The following FREM1 variants were observed in gnomAD, a reference collection of about 807,000 sequenced individuals.
FREM1 encodes the protein FRAS1-related extracellular matrix protein 1.
A neutral mutation model predicts 210.1 loss-of-function variants in FREM1; 220 were observed. The ratio of observed to expected loss-of-function variants is 1.05; its 90% CI spans 0.94 to 1.17. The LOEUF (loss-of-function observed/expected upper bound fraction) is 1.17. FREM1 is among the 50% of genes most tolerant of loss of function. The pLI is 0.00. For synonymous variants in FREM1, 1,189 were observed against 980.2 expected (o/e 1.21, Z -3.98); for missense variants, 3,454 against 2,675.5 (o/e 1.29, Z -6.42).
Position 14,864,765 on chromosome 9 carries a change from C to G in FREM1, c.235-862G>C, listed in dbSNP as rs567582935. 5.3e-5 allele frequency among the ~76,000 whole-genome samples: 8 copies of G among 152,322 alleles called. No individual in the cohort carries two copies. In the East Asian group the frequency reaches 5.8e-4, roughly 11 times the overall value. ...CACCATTGTGTTCGTGGTGTTTCGT[C>G]TGTACCTTTTCACAGCCTCAAACAT... is the stretch of plus-strand genomic sequence containing the variant. On this transcript the variant is annotated intron_variant, in intron 2 of 36. Coordinates refer to ENST00000380880, the MANE Select transcript of FREM1 (RefSeq NM_001379081.2).
intron 33 of FREM1, 28 bp downstream of exon 33, chr9:14,747,236 G>A (rs1341933486): frequency 4.4e-6 from 7 of 1,604,042 alleles, no homozygotes; most frequent in Non-Finnish European, 6.0e-6. Flanking sequence ...GTTATAAGGT[G>A]AGTAAGAAGG....
At chr9:14,851,225 G>T (rs1827680930) in intron 6 of FREM1, 59 bp downstream of exon 6, 2 of 1,249,974 alleles carry the variant, frequency 1.6e-6, no homozygotes, top group Non-Finnish European at 1.1e-6. Context: ...TAGGGTAGGG[G>T]GTTCTTAAAT....
chr9:14,789,665 T>G (rs965698663), intron 22 of FREM1, among the ~76,000 whole-genome samples: 1 of 152,228 alleles, frequency 6.6e-6, no homozygotes, highest in Non-Finnish European at 1.5e-5. Context: ...TATCACTACC[T>G]ACATTTATAT....
chr9:14,770,897 T>C, intron 25 of FREM1, 91 bp from the exon 26 acceptor site: 1 of 878,622 alleles, frequency 1.1e-6, no homozygotes, highest in Non-Finnish European at 1.8e-6. Context: ...TGACACACTG[T>C]CCCACGTTTT....
Position 14,836,193 on chromosome 9 carries a change from C to T in FREM1, c.1881+5254G>A, listed in dbSNP as rs1018282374. On this transcript the variant is annotated intron_variant, in intron 10 of 36. Transcript: ENST00000380880. This position sits in a 1 kb window ranked among gnomAD's most constrained non-coding sequence, Gnocchi z 4.9. ...GATGGAAATTATCTACCACACCACACTTGTGGGAATTGCTGTCCTCACTCT... is the reference window on the plus strand; with the variant it reads ...GATGGAAATTATCTACCACACCACATTTGTGGGAATTGCTGTCCTCACTCT... Among the ~76,000 whole-genome samples, 1 of 152,236 alleles carries T rather than the reference C, an allele frequency of 6.6e-6. No individual in the cohort carries two copies. Among genetic ancestry groups the T allele is most frequent in the African/African-American group, 2.4e-5 (1 of 41,454 alleles).
intron 29 of FREM1, among the ~76,000 whole-genome samples, chr9:14,754,617 C>T (rs1843959760): frequency 6.6e-6 from 1 of 152,076 alleles, no homozygotes; most frequent in Non-Finnish European, 1.5e-5. Context: ...GGCTCCTCAT[C>T]CATTATGACT....
chr9:14,757,552 C>G (rs928961265), intron 28 of FREM1, among the ~76,000 whole-genome samples: 9 of 151,756 alleles, frequency 5.9e-5, no homozygotes, highest in Non-Finnish European at 1.0e-4. Context: ...GAGATTCCAT[C>G]TCAAAAAACA....
At chr9:14,756,641 A>C (rs527396878) in intron 28 of FREM1, among the ~76,000 whole-genome samples, 195 bp from the exon 29 acceptor site, 2 of 152,314 alleles carry the variant, frequency 1.3e-5, no homozygotes, top group East Asian at 3.9e-4. Flanking sequence ...ACTTTTTCCT[A>C]GGCTAATATC....
intron 36 of FREM1, among the ~76,000 whole-genome samples, chr9:14,739,449 AAT>A (rs56320339): frequency 0.09 from 11,827 of 132,130 alleles, 698 homozygotes; most frequent in African/African-American, 0.17. Flanking sequence ...AATTATTTGG[AAT>A]ATATATATAT....
rs1211854810 is a variant in FREM1 at position 14,813,000 on chromosome 9, G to A, written c.2705C>T (p.Ser902Leu). Residue 902 changes from serine (S) to leucine (L), a missense_variant, in exon 16 of 37, where the codon TCA becomes TTA. By Grantham distance (145) the Ser-to-Leu change is moderately radical. Coordinates refer to ENST00000380880, the MANE Select transcript of FREM1 (RefSeq NM_001379081.2). The stretch of plus-strand genomic sequence containing the variant: ...GGTGATGACCACCTCTCCTCCCTCT[G>A]AGCAATTCATGACAGGCATGAGGTC... ...KADLMPVMNC[S>L]EGGEVVITSE... The A allele has an allele frequency of 1.1e-5, 17 of 1,613,760 alleles. No individual in the cohort carries two copies. The highest frequency in any genetic ancestry group is 1.4e-5 in the Non-Finnish European group (17 of 1,179,834).
chr9:14,792,863 A>T lies in FREM1; in HGVS notation c.3861T>A (p.Asn1287Lys), dbSNP rs1314978311. The T allele has an allele frequency of 3.8e-6, 6 of 1,583,676 alleles. No individual in the cohort carries two copies. Among genetic ancestry groups the T allele is most frequent in the Non-Finnish European group, 4.3e-6 (5 of 1,164,544 alleles). ...MLSKKAEIAM[N>K]MGETRIISSA... The stretch of plus-strand genomic sequence containing the variant: ...TGGAAATAATACGAGTTTCACCCAT[A>T]TTCATTGCAATTTCAGCCTTCCTGT... Residue 1287 changes from asparagine to lysine, a missense_variant, in exon 22 of 37, where the codon AAT (asparagine) becomes AAA (lysine). Physicochemically the swap from Asn to Lys is moderately conservative, Grantham distance 94 (BLOSUM62 0). Coordinates refer to ENST00000380880, the MANE Select transcript of FREM1 (RefSeq NM_001379081.2).
chr9:14,831,866 C>G (rs10810259), intron 10 of FREM1, among the ~76,000 whole-genome samples: 65,998 of 152,022 alleles, frequency 0.43, 14,720 homozygotes, highest in Middle Eastern at 0.5. Context: ...GAGGGTCACG[C>G]CTGCAAGTCA....
At chr9:14,771,091 A>G (rs564786467) in intron 25 of FREM1, among the ~76,000 whole-genome samples, 1 of 152,136 alleles carries the variant, frequency 6.6e-6, no homozygotes, top group Admixed American at 6.6e-5. Flanking sequence ...GGCAGGCGTC[A>G]GGTCTTTCAC....
At chr9:14,825,859 G>A (rs762713767) in intron 10 of FREM1, among the ~76,000 whole-genome samples, 1 of 151,766 alleles carries the variant, frequency 6.6e-6, no homozygotes, top group Admixed American at 6.6e-5. Flanking sequence ...ATTGCTACTG[G>A]CCTACCTTTC....
rs371252550 is a variant in FREM1 at position 14,812,606 on chromosome 9, C to T, written c.2893+206G>A. On this transcript the variant is annotated intron_variant, in intron 16 of 36. Transcript: ENST00000380880. ...AAAGCAAGTAATATCTGCCTTTCTC[C>T]GCTGTTTGAAATTCGTTATAATAAC... Among the ~76,000 whole-genome samples, 50 of 152,222 alleles carry T rather than the reference C, an allele frequency of 3.3e-4. No homozygotes were observed. In the South Asian group the frequency reaches 8.5e-3, roughly 26 times the overall value.
At chr9:14,877,174 T>A (rs1178180720) in intron 1 of FREM1, among the ~76,000 whole-genome samples, 2 of 152,118 alleles carry the variant, frequency 1.3e-5, no homozygotes, top group African/African-American at 4.8e-5. Flanking sequence ...TCTCATTCCT[T>A]GGCCTTAAAT....
At chr9:14,854,638 A>T (rs1428497800) in intron 5 of FREM1, among the ~76,000 whole-genome samples, 1 of 152,096 alleles carries the variant, frequency 6.6e-6, no homozygotes, top group Admixed American at 6.6e-5. Flanking sequence ...CAAAATTATC[A>T]TCACTAGTGA....
chr9:14,795,063 G>A (rs1422341067), intron 21 of FREM1, among the ~76,000 whole-genome samples: 3 of 151,836 alleles, frequency 2.0e-5, no homozygotes, highest in East Asian at 3.9e-4. Flanking sequence ...ATTGGAGAAA[G>A]TGGGCAGAAA....
At chr9:14,788,112 G>A (rs1043778494) in intron 23 of FREM1, among the ~76,000 whole-genome samples, 1 of 152,106 alleles carries the variant, frequency 6.6e-6, no homozygotes, top group Admixed American at 6.6e-5. Flanking sequence ...AAAAAGGGAA[G>A]CATTCAGTCA....
Sources: gnomAD v4.1 joint callset for allele counts (sites outside exome capture counted in the v4.1 genomes callset) on GRCh38, gnomAD v4.1.1 for gene constraint, Gnocchi (gnomAD v3.1) non-coding constraint, MANE v1.5 for transcripts, NCBI Gene and HGNC (gene_info 2026-07-23, HGNC 2026-07-21) for gene names.